Variants in PCDHA9 observed in about 807,000 individuals in gnomAD.
The protein encoded by PCDHA9 is protocadherin alpha-9.
PCDHA9 carries 62 observed loss-of-function variants against 62.0 expected under a neutral mutation model. The ratio of observed to expected loss-of-function variants is 1.00; its 90% CI spans 0.81 to 1.23. The LOEUF is 1.23. Ranked by LOEUF, PCDHA9 falls within the 50% of genes most tolerant of loss-of-function variation. The pLI, the probability that PCDHA9 is intolerant of heterozygous loss-of-function variation, is 0.00. For missense variants in PCDHA9, 1,205 were observed against 1,249.8 expected, an observed-to-expected ratio of 0.96 and a Z score of 0.54; for synonymous variants, 557 against 567.6, an observed-to-expected ratio of 0.98 and a Z score of 0.27.
chr5:140,869,424 G>T (rs2051119407), intron 1 of PCDHA9: 18 of 1,614,216 alleles, frequency 1.1e-5, no homozygotes, highest in Non-Finnish European at 1.5e-5. Context: ...TCCACCTGGA[G>T]GTGATCGTGG....
intron 1 of PCDHA9, chr5:140,855,800 A>C: frequency 2.1e-6 from 1 of 475,828 alleles, no homozygotes; most frequent in Non-Finnish European, 3.7e-6. Context: ...TAACATATGA[A>C]TGAAAGAAAA....
chr5:140,982,772 A>T (rs144366377), intron 3 of PCDHA9, among the ~76,000 whole-genome samples: 67 of 152,052 alleles, frequency 4.4e-4, no homozygotes, highest in African/African-American at 1.5e-3. Context: ...TAACAAGGAA[A>T]GTGTGTGTGC....
intron 1 of PCDHA9, chr5:140,883,019 G>A (rs1554176509): frequency 1.2e-6 from 2 of 1,613,986 alleles, no homozygotes; most frequent in South Asian, 1.1e-5. Flanking sequence ...TAAAGTGACG[G>A]TGTTAGAGAA....
intron 3 of PCDHA9, among the ~76,000 whole-genome samples, chr5:141,009,291 T>G (rs115348370): frequency 2.9e-3 from 436 of 152,228 alleles, no homozygotes; most frequent in African/African-American, 9.9e-3. Flanking sequence ...CCCATTTCTA[T>G]AAAATTTTTT....
Position 140,918,963 on chromosome 5 carries a change from A to C in PCDHA9, c.2395-59986A>C, listed in dbSNP as rs74470631. ...TAATATCCTGAACAGACTAAGACAGATATCGTTTAGGTTAGTTGGTTTTTA... is the reference window on the plus strand; with the variant it reads ...TAATATCCTGAACAGACTAAGACAGCTATCGTTTAGGTTAGTTGGTTTTTA... On this transcript the variant is annotated intron_variant, in intron 1 of 3. Transcript: ENST00000532602. Among the ~76,000 whole-genome samples the C allele has an allele frequency of 4.6e-3, 702 of 152,330 alleles. 2 individuals are homozygous for C. Among genetic ancestry groups the C allele is most frequent in the African/African-American group, 0.016 (679 of 41,576 alleles).
In PCDHA9 at chr5:140,877,342, G is replaced by A. The variant is rs1462091033; in HGVS notation, c.2394+26453G>A. On this transcript the variant is annotated intron_variant, in intron 1 of 3. Coordinates refer to ENST00000532602, the MANE Select transcript of PCDHA9 (RefSeq NM_031857.2). ...GGTCGGCGCGCACATCCCGTTCCACGTGGGGCTGTACACTGGCGAGATCAG... is the reference window on the plus strand; with the variant it reads ...GGTCGGCGCGCACATCCCGTTCCACATGGGGCTGTACACTGGCGAGATCAG... 5 of 1,613,904 alleles carry A rather than the reference G, an allele frequency of 3.1e-6. No individual in the cohort carries two copies. The African/African-American group carries it at 6.7e-5, about 22-fold the overall frequency.
intron 1 of PCDHA9, chr5:140,869,878 ACT>A: frequency 6.2e-7 from 1 of 1,610,122 alleles, no homozygotes; most frequent in Non-Finnish European, 8.5e-7. Context: ...TGCTAAAGAA[ACT>A]CTTGTGCTCA....
intron 1 of PCDHA9, among the ~76,000 whole-genome samples, chr5:140,874,443 C>G (rs1554167205): frequency 6.6e-6 from 1 of 152,208 alleles, no homozygotes; most frequent in Non-Finnish European, 1.5e-5. Context: ...GTCCTAACTA[C>G]TAAATGACCT....
In PCDHA9 at chr5:140,978,698, A is replaced by C. The variant is rs150194035; in HGVS notation, c.2395-251A>C. 1.4e-3 allele frequency among the ~76,000 whole-genome samples: 215 copies of C among 152,372 alleles called. 5 individuals carry two copies. In the South Asian group the frequency reaches 0.033, roughly 23 times the overall value. ...ACATGTATTGGGCAAGGCAAAGCCA[A>C]AGGTGGCCTTTACAAGATTATTAAA... is the stretch of plus-strand genomic sequence containing the variant. On this transcript the variant is annotated intron_variant, in intron 1 of 3. Transcript: ENST00000532602.
At chr5:140,883,688 A>G (rs782730096) in intron 1 of PCDHA9, 2 of 1,613,792 alleles carry the variant, frequency 1.2e-6, no homozygotes, top group Middle Eastern at 1.7e-4. Flanking sequence ...GGGCTGCCAC[A>G]TCTTCACGGT....
intron 3 of PCDHA9, among the ~76,000 whole-genome samples, chr5:141,007,395 C>CAAAAAAAAAAAAAAA (rs35800918): frequency 2.1e-5 from 2 of 94,866 alleles, no homozygotes; most frequent in Non-Finnish European, 2.1e-5. Context: ...TACTAAAATA[C>CAAAAAAAAAAAAAAA]AAAAAAAAAA....
chr5:140,963,307 C>G (rs2095756240), intron 1 of PCDHA9, among the ~76,000 whole-genome samples: 1 of 152,062 alleles, frequency 6.6e-6, no homozygotes, highest in African/African-American at 2.4e-5. Context: ...AAATAAGAAG[C>G]TGTTTGTATT....
At chr5:140,916,264 A>G (rs1455161672) in intron 1 of PCDHA9, among the ~76,000 whole-genome samples, 1 of 152,200 alleles carries the variant, frequency 6.6e-6, no homozygotes, top group East Asian at 1.9e-4. Flanking sequence ...CCCCAAGAGC[A>G]TGCTTGTTGC....
intron 1 of PCDHA9, chr5:140,967,438 C>T: frequency 6.2e-7 from 1 of 1,613,548 alleles, no homozygotes; most frequent in South Asian, 1.1e-5. Flanking sequence ...CCTTGCACCA[C>T]CTGGTTCTCA....
intron 1 of PCDHA9, among the ~76,000 whole-genome samples, chr5:140,920,617 G>A (rs569983611): frequency 9.7e-4 from 148 of 152,170 alleles, no homozygotes; most frequent in African/African-American, 2.6e-3. Context: ...AGGCCGAGGC[G>A]GATGGATCAC....
chr5:140,966,694 C>T, intron 1 of PCDHA9: 1 of 1,358,670 alleles, frequency 7.4e-7, no homozygotes, highest in Non-Finnish European at 9.5e-7. Context: ...GAGGCGGGGC[C>T]CGGGCGTGGG....
chr5:140,997,781 C>G (rs1207024588), intron 3 of PCDHA9, among the ~76,000 whole-genome samples: 1 of 151,626 alleles, frequency 6.6e-6, no homozygotes, highest in Non-Finnish European at 1.5e-5. Context: ...TGTTGTATAC[C>G]TATATTATAA....
At chr5:140,870,817 G>A in intron 1 of PCDHA9, 6 of 1,613,726 alleles carry the variant, frequency 3.7e-6, no homozygotes, top group Non-Finnish European at 5.1e-6. Context: ...GGCTGGCAGC[G>A]CGGGAGGCGC....
chr5:140,863,488 A>G (rs1554158271), intron 1 of PCDHA9: 1 of 451,898 alleles, frequency 2.2e-6, no homozygotes, highest in Admixed American at 2.5e-5. Context: ...CCCAAGGTCA[A>G]CATTACGGCT....
Sources: gnomAD v4.1 joint callset for allele counts (sites outside exome capture counted in the v4.1 genomes callset) on GRCh38, gnomAD v4.1.1 for gene constraint, MANE v1.5 for transcripts, NCBI Gene and HGNC (gene_info 2026-07-23, HGNC 2026-07-21) for gene names.